The following CA8 variants were observed in gnomAD, a reference collection of about 807,000 sequenced individuals.
CA8 encodes the protein carbonic anhydrase-related protein.
A neutral mutation model predicts 41.4 loss-of-function variants in CA8; 22 were observed. The ratio of observed to expected loss-of-function variants is 0.53; its 90% CI spans 0.38 to 0.76. CA8 has a LOEUF of 0.76. Among genes scored for constraint, CA8 ranks in the 30% least tolerant of loss-of-function variants. CA8 has a pLI of 0.00. For synonymous variants in CA8, 121 were observed against 130.6 expected (o/e 0.93, Z 0.50); for missense variants, 270 against 352.8 (o/e 0.77, Z 1.88).
At chr8:60,254,573 A>G (rs1052583132) in intron 3 of CA8, among the ~76,000 whole-genome samples, 1 of 152,262 alleles carries the variant, frequency 6.6e-6, no homozygotes, top group African/African-American at 2.4e-5. Flanking sequence ...TGGATAAGTG[A>G]TATTTGTTTT....
At chr8:60,271,503 G>C (rs977803770) in intron 2 of CA8, among the ~76,000 whole-genome samples, 27 of 152,142 alleles carry the variant, frequency 1.8e-4, no homozygotes, top group Non-Finnish European at 4.4e-5. Context: ...AAGAAACACT[G>C]TTAAAAAGTT....
At chr8:60,256,490 G>A (rs527488546) in intron 3 of CA8, among the ~76,000 whole-genome samples, 3 of 152,098 alleles carry the variant, frequency 2.0e-5, no homozygotes, top group Non-Finnish European at 4.4e-5. Flanking sequence ...ACCCTACAAA[G>A]CTAAAAGAGA....
rs2067757 is a variant in CA8 at position 60,264,074 on chromosome 8, T to C, written c.417+1851A>G. Among the ~76,000 whole-genome samples the C allele has an allele frequency of 5.5e-3, 842 of 152,350 alleles. 6 individuals are homozygous for C. The highest frequency in any genetic ancestry group is 0.019 in the African/African-American group (803 of 41,564). On this transcript the variant is annotated intron_variant, in intron 3 of 8. Transcript: ENST00000317995. ...CCTCACTACCAGGATTTAATCTTCA[T>C]TCAAAACAAACCATTACCTGTGCTT...
Position 60,189,496 on chromosome 8 carries a change from A to G in CA8, c.*525T>C, listed in dbSNP as rs2130366542. ...GTGGTATGGGTGCTGAAAAAATAAAATGAGACATAATTTTACTAATCATTC... is the reference window on the plus strand; with the variant it reads ...GTGGTATGGGTGCTGAAAAAATAAAGTGAGACATAATTTTACTAATCATTC... On this transcript the variant is annotated 3_prime_UTR_variant, in exon 9 of 9. Coordinates refer to ENST00000317995, the MANE Select transcript of CA8 (RefSeq NM_004056.6). 6.6e-6 allele frequency: 1 copy of G among 152,260 alleles called. No homozygotes were observed. 9.4% of individuals were successfully genotyped at this position (152,260 alleles called of 1,614,324 possible). A position where few individuals can be genotyped will look rare whatever the true frequency, so the allele number is the denominator to read the frequency against.
intron 3 of CA8, among the ~76,000 whole-genome samples, chr8:60,251,986 A>G (rs1160354294): frequency 1.3e-5 from 2 of 152,228 alleles, no homozygotes; most frequent in African/African-American, 2.4e-5. Context: ...TTTCACATCA[A>G]TAAGTTAAGT....
Position 60,208,891 on chromosome 8 carries a change from T to C in CA8, c.767A>G (p.His256Arg). ...QIEEFRRLRT[H>R]VKGAELVEGC... The stretch of plus-strand genomic sequence containing the variant: ...TTCCACAAGTTCTGCCCCCTTAACA[T>C]GTGTCCTCAGCCTTCGAAATTCTTC... The change falls in exon 8 of 9, where the codon CAT becomes CGT. Residue 256 changes from histidine to arginine, a missense_variant. His to Arg is a conservative substitution (Grantham distance 29, BLOSUM62 0). This residue lies in a region of CA8 where 141 missense variants were observed against 191.6 expected (regional missense o/e 0.74). Transcript: ENST00000317995. The C allele has an allele frequency of 1.2e-6, 2 of 1,614,132 alleles. No individual in the cohort carries two copies. Among genetic ancestry groups the C allele is most frequent in the Non-Finnish European group, 1.7e-6 (2 of 1,180,004 alleles).
chr8:60,195,944 GA>G (rs1201769404), intron 8 of CA8, among the ~76,000 whole-genome samples: 1 of 152,110 alleles, frequency 6.6e-6, no homozygotes, highest in Non-Finnish European at 1.5e-5. Flanking sequence ...CATGCCACTG[GA>G]TTTGGAAACA....
At chr8:60,241,194 C>T (rs1048794726) in intron 3 of CA8, among the ~76,000 whole-genome samples, 3 of 152,146 alleles carry the variant, frequency 2.0e-5, no homozygotes, top group South Asian at 2.1e-4. Flanking sequence ...CAGAGAAGGA[C>T]GTTCAAGGTG....
chr8:60,280,060 T>G (rs1278955775), intron 1 of CA8, among the ~76,000 whole-genome samples, 180 bp from the exon 2 acceptor site: 3 of 152,192 alleles, frequency 2.0e-5, no homozygotes, highest in Non-Finnish European at 4.4e-5. Context: ...AATGATCTGT[T>G]ATTATCAAAT....
chr8:60,254,845 C>T (rs751745163), intron 3 of CA8, among the ~76,000 whole-genome samples: 40 of 152,090 alleles, frequency 2.6e-4, no homozygotes, highest in Non-Finnish European at 3.4e-4. Context: ...AACCCTACTG[C>T]TAAATTATTT....
intron 3 of CA8, among the ~76,000 whole-genome samples, chr8:60,258,322 TA>T (rs1803617319): frequency 1.3e-5 from 2 of 152,250 alleles, no homozygotes; most frequent in African/African-American, 4.8e-5. Flanking sequence ...ATACATAAAT[TA>T]AACTTTATCA....
At chr8:60,234,731 C>T (rs1316171558) in intron 3 of CA8, among the ~76,000 whole-genome samples, 2 of 152,130 alleles carry the variant, frequency 1.3e-5, no homozygotes, top group East Asian at 1.9e-4. Flanking sequence ...TCTGGGTCTT[C>T]AATAACCACC....
rs1804412060 is a variant in CA8, at chr8:60,281,162, G to A, written c.-15C>T. ...AGGTCCGCCATGGGAAGGCCGCGGG[G>A]CCCCTCGGCGCTCTCGGCAGCAGTG... On this transcript the variant is annotated 5_prime_UTR_variant, in exon 1 of 9. Coordinates refer to ENST00000317995, the MANE Select transcript of CA8 (RefSeq NM_004056.6). 4 of 1,533,200 alleles carry A rather than the reference G, an allele frequency of 2.6e-6. No homozygotes were observed. The highest frequency in any genetic ancestry group is 1.2e-5 in the South Asian group (1 of 83,896). The allele number at this position is 1,533,200 out of a possible 1,614,324, so 95.0% of individuals were successfully genotyped here. A position where few individuals can be genotyped will look rare whatever the true frequency, so the allele number is the denominator to read the frequency against.
At chr8:60,196,809 A>T (rs1416754803) in intron 8 of CA8, among the ~76,000 whole-genome samples, 2 of 152,118 alleles carry the variant, frequency 1.3e-5, no homozygotes, top group Admixed American at 6.6e-5. Context: ...AGCCAGAAAA[A>T]TCCTGCAGAA....
At chr8:60,279,530 A>C (rs1252107669) in intron 2 of CA8, among the ~76,000 whole-genome samples, 159 bp downstream of exon 2, 1 of 152,222 alleles carries the variant, frequency 6.6e-6, no homozygotes, top group African/African-American at 2.4e-5. Context: ...TTGTTTCAGA[A>C]GGTAATTCCC....
In CA8 at chr8:60,226,572, G is replaced by A. The variant is rs368366367; in HGVS notation, c.576+301C>T. 1.6e-4 allele frequency among the ~76,000 whole-genome samples: 24 copies of A among 152,294 alleles called. No individual in the cohort carries two copies. In the East Asian group the frequency reaches 3.7e-3, roughly 23 times the overall value. Reference sequence around the variant, plus strand: ...ACTAAGGCTAGAGTGAGCTTCCGTAGTTGTCAACACTTCACACATGTTGTG... The same window carrying A: ...ACTAAGGCTAGAGTGAGCTTCCGTAATTGTCAACACTTCACACATGTTGTG... On this transcript the variant is annotated intron_variant, in intron 5 of 8. Transcript: ENST00000317995.
intron 3 of CA8, among the ~76,000 whole-genome samples, chr8:60,253,351 T>G (rs1808515569): frequency 6.6e-6 from 1 of 152,246 alleles, no homozygotes; most frequent in Non-Finnish European, 1.5e-5. Flanking sequence ...AACTCCCTTT[T>G]TTTTCTATTA....
At chr8:60,258,943 C>T (rs79143010) in intron 3 of CA8, among the ~76,000 whole-genome samples, 2,257 of 152,244 alleles carry the variant, frequency 0.015, 47 homozygotes, top group African/African-American at 0.05. Context: ...CTTCAGGACC[C>T]CTGTTCTAAA....
At chr8:60,256,110 A>G (rs1482295308) in intron 3 of CA8, among the ~76,000 whole-genome samples, 1 of 152,058 alleles carries the variant, frequency 6.6e-6, no homozygotes, top group Non-Finnish European at 1.5e-5. Context: ...GTGTTTCACC[A>G]TGTTGGTCAG....
Sources: gnomAD v4.1 joint callset for allele counts (sites outside exome capture counted in the v4.1 genomes callset) on GRCh38, gnomAD v4.1.1 for gene constraint, gnomAD v4.1.1 regional missense constraint, MANE v1.5 for transcripts, NCBI Gene and HGNC (gene_info 2026-07-23, HGNC 2026-07-21) for gene names.